Variants in FANCC observed in about 807,000 individuals in gnomAD.
FANCC encodes Fanconi anemia group C protein.
In FANCC, 55 loss-of-function variants were observed where a neutral mutation model predicts 71.3. That is an observed-to-expected ratio of 0.77 (90% CI 0.62 to 0.97). The LOEUF is 0.97. FANCC is among the 50% of genes least tolerant of loss of function. The pLI, the probability that FANCC is intolerant of heterozygous loss-of-function variation, is 0.00. For synonymous variants in FANCC, 275 were observed against 244.9 expected (o/e 1.12, Z -1.15); for missense variants, 678 against 670.9 (o/e 1.01, Z -0.12).
chr9:95,107,065 C>A lies in FANCC; in HGVS notation c.1533+1G>T, dbSNP rs753885687. 2 of 1,614,142 alleles carry A rather than the reference C, an allele frequency of 1.2e-6. No individual in the cohort carries two copies. Among genetic ancestry groups the A allele is most frequent in the Non-Finnish European group, 1.7e-6 (2 of 1,179,978 alleles). On this transcript the variant is annotated splice_donor_variant, in intron 14 of 14. Transcript: ENST00000289081. LOFTEE classifies it high-confidence loss of function. ...GGATGCTGGACCACAGGGAGACTTA[C>A]CAGGGTGATGACATCCCAGGCGATC...
chr9:95,201,188 C>T (rs1347565418), intron 4 of FANCC, among the ~76,000 whole-genome samples: 8 of 152,146 alleles, frequency 5.3e-5, no homozygotes, highest in Admixed American at 1.3e-4. Context: ...ATTTGAAGTA[C>T]ACGTTAATGC....
At chr9:95,210,181 A>G (rs1588286460) in intron 4 of FANCC, among the ~76,000 whole-genome samples, 1 of 152,294 alleles carries the variant, frequency 6.6e-6, no homozygotes, top group East Asian at 1.9e-4. Context: ...ACATAGCAAA[A>G]CTATTTTTAA....
chr9:95,241,789 A>T (rs1204336683), intron 3 of FANCC, among the ~76,000 whole-genome samples: 2 of 152,168 alleles, frequency 1.3e-5, no homozygotes, highest in African/African-American at 4.8e-5. Context: ...CCTCCTGAGT[A>T]GCTGGGACCA....
At chr9:95,292,360 C>A in intron 1 of FANCC, 1 of 964,498 alleles carries the variant, frequency 1.0e-6, no homozygotes, top group Non-Finnish European at 1.2e-6. Context: ...GAGGCGGTGG[C>A]GGCGGCGGGG....
At position 95,114,728 on chromosome 9, in the gene FANCC, T is replaced by G. The variant is rs876661081; in HGVS notation, c.1073-18A>C. 20 of 1,610,304 alleles carry G rather than the reference T, an allele frequency of 1.2e-5. No individual in the cohort carries two copies. The highest frequency in any genetic ancestry group is 1.7e-5 in the Admixed American group (1 of 60,022). On this transcript the variant is annotated intron_variant, in intron 11 of 14. Transcript: ENST00000289081. ...AGGGATATCTGCGGGTGGAGAGAGA[T>G]ACGTCAGAGGGCAACTGAGGAAATG...
At chr9:95,252,115 T>C in intron 1 of FANCC, among the ~76,000 whole-genome samples, 1 of 151,216 alleles carries the variant, frequency 6.6e-6, no homozygotes. Flanking sequence ...CCATCTCTAC[T>C]GAAAATAACA....
At chr9:95,196,353 T>C (rs915793998) in intron 4 of FANCC, among the ~76,000 whole-genome samples, 7 of 152,214 alleles carry the variant, frequency 4.6e-5, no homozygotes, top group East Asian at 1.9e-4. Context: ...CCTGCATCAA[T>C]TGATATAATC....
chr9:95,112,951 G>C (rs1396165479), intron 12 of FANCC, among the ~76,000 whole-genome samples: 1 of 152,206 alleles, frequency 6.6e-6, no homozygotes, highest in Non-Finnish European at 1.5e-5. Context: ...TGGAGAGGGT[G>C]GGTAGAGAGA....
At chr9:95,151,862 A>AGGCTG (rs936586676) in intron 6 of FANCC, among the ~76,000 whole-genome samples, 1 of 151,816 alleles carries the variant, frequency 6.6e-6, no homozygotes, top group African/African-American at 2.4e-5. Flanking sequence ...CAAGAGGTCA[A>AGGCTG]GGCTGCAGTG....
chr9:95,246,020 T>C (rs1308341598), intron 3 of FANCC, among the ~76,000 whole-genome samples: 1 of 152,240 alleles, frequency 6.6e-6, no homozygotes, highest in East Asian at 1.9e-4. Flanking sequence ...TATGCATTTT[T>C]TCATGAGATG....
intron 1 of FANCC, among the ~76,000 whole-genome samples, chr9:95,263,717 T>C (rs1008760970): frequency 1.3e-5 from 2 of 151,964 alleles, no homozygotes; most frequent in Non-Finnish European, 2.9e-5. Flanking sequence ...AAAAGGCAAA[T>C]AGCAGCTTAG....
chr9:95,138,041 G>T (rs941390250), intron 7 of FANCC, among the ~76,000 whole-genome samples: 1 of 152,270 alleles, frequency 6.6e-6, no homozygotes, highest in Non-Finnish European at 1.5e-5. Flanking sequence ...AGGCGCAGAG[G>T]AGTGGGAAAG....
At chr9:95,199,075 A>G (rs1261986718) in intron 4 of FANCC, among the ~76,000 whole-genome samples, 2 of 152,086 alleles carry the variant, frequency 1.3e-5, no homozygotes, top group African/African-American at 4.8e-5. Context: ...TTTTTTTGAA[A>G]GAGTATTTTG....
chr9:95,313,041 GGTGCAGCTGATC>G (rs1439390588), intron 1 of FANCC, among the ~76,000 whole-genome samples: 1 of 152,174 alleles, frequency 6.6e-6, no homozygotes, highest in Non-Finnish European at 1.5e-5. Context: ...TTGACCATTG[GGTGCAGCTGATC>G]ACAGCGCACT....
intron 4 of FANCC, among the ~76,000 whole-genome samples, chr9:95,198,683 A>G (rs560574437): frequency 1.3e-5 from 2 of 152,334 alleles, no homozygotes; most frequent in African/African-American, 4.8e-5. Context: ...CCAGTCTCAT[A>G]AGACCCAAGT....
At chr9:95,105,044 G>A (rs1292768529) in intron 14 of FANCC, among the ~76,000 whole-genome samples, 3 of 152,198 alleles carry the variant, frequency 2.0e-5, no homozygotes, top group East Asian at 3.8e-4. Context: ...ATAGATTCTC[G>A]AAAGCATTCT....
chr9:95,114,731 G>C, intron 11 of FANCC, 21 bp from the exon 12 acceptor site: 1 of 1,605,944 alleles, frequency 6.2e-7, no homozygotes, highest in South Asian at 1.1e-5. Context: ...AGAGAGATAC[G>C]TCAGAGGGCA....
In FANCC at chr9:95,175,318, A is replaced by C. The variant is rs576127053; in HGVS notation, c.346-3171T>G. On this transcript the variant is annotated intron_variant, in intron 4 of 14. Transcript: ENST00000289081. ...TGATTAATAAAAACAACAACAAAAA[A>C]CCCCCAGTAATATGTACTACATGAT... Among the ~76,000 whole-genome samples, 220 of 152,018 alleles carry C rather than the reference A, an allele frequency of 1.4e-3. 2 individuals are homozygous for C. The highest frequency in any genetic ancestry group is 5.0e-3 in the African/African-American group (207 of 41,450).
intron 4 of FANCC, among the ~76,000 whole-genome samples, chr9:95,233,199 C>T (rs1243395421): frequency 6.6e-6 from 1 of 150,744 alleles, no homozygotes. Context: ...ATTCAATTAT[C>T]AATTAATCTT....
Sources: gnomAD v4.1 joint callset for allele counts (sites outside exome capture counted in the v4.1 genomes callset) on GRCh38, gnomAD v4.1.1 for gene constraint, MANE v1.5 for transcripts, NCBI Gene and HGNC (gene_info 2026-07-23, HGNC 2026-07-21) for gene names.